The following POLR1A variants were observed in gnomAD, a reference collection of about 807,000 sequenced individuals.
POLR1A encodes the protein RNA polymerase I subunit A.
Under a neutral mutation model 205.3 loss-of-function variants are expected in POLR1A, and 84 were observed. That is an observed-to-expected ratio of 0.41 (90% CI 0.34 to 0.49). POLR1A has a LOEUF of 0.49. Ranked by LOEUF, POLR1A falls within the 20% of genes least tolerant of loss-of-function variation. POLR1A has a pLI of 0.22. For synonymous variants in POLR1A, 799 were observed against 863.7 expected (o/e 0.93, Z 1.31); for missense variants, 1,645 against 2,204.5 (o/e 0.75, Z 5.08).
chr2:86,065,481 G>A lies in POLR1A; in HGVS notation c.1867-16C>T, dbSNP rs777402596. ...GTTGGCCATCCTATAAGCCAAAACA[G>A]ACAACACAAGAAGAATGAAAATAAA... On this transcript the variant is annotated splice_polypyrimidine_tract_variant and intron_variant, in intron 13 of 33. Transcript: ENST00000263857. 6.2e-7 allele frequency: 1 copy of A among 1,603,118 alleles called. No homozygotes were observed. The highest frequency in any genetic ancestry group is 8.5e-7 in the Non-Finnish European group (1 of 1,174,190).
intron 20 of POLR1A, 61 bp from the exon 21 acceptor site, chr2:86,045,421 G>T: frequency 7.2e-7 from 1 of 1,398,180 alleles, no homozygotes; most frequent in Non-Finnish European, 1.0e-6. Context: ...TTCCTGAAGG[G>T]CTCAGGCCAA....
chr2:86,087,606 G>A (rs1388730907), intron 6 of POLR1A, among the ~76,000 whole-genome samples: 2 of 152,192 alleles, frequency 1.3e-5, no homozygotes, highest in African/African-American at 2.4e-5. Context: ...GCGGTGGCAC[G>A]ATCTCAGCTC....
In POLR1A at chr2:86,022,439, A is replaced by G. The variant is rs1690163661; in HGVS notation, c.*4984T>C. 6.6e-6 allele frequency: 1 copy of G among 152,236 alleles called. No homozygotes were observed. Among genetic ancestry groups the G allele is most frequent in the Non-Finnish European group, 1.5e-5 (1 of 68,048 alleles). The allele number at this position is 152,236 out of a possible 1,614,324, so 9.4% of individuals were successfully genotyped here. A position where few individuals can be genotyped will look rare whatever the true frequency, so the allele number is the denominator to read the frequency against. On this transcript the variant is annotated 3_prime_UTR_variant, in exon 34 of 34. Coordinates refer to ENST00000263857, the MANE Select transcript of POLR1A (RefSeq NM_015425.6). ...GACTCCTTGAGATGTCATCGTACCG[A>G]TAGGTGGTGACGGTGGCTGTGCATT...
rs77715446 is a variant in POLR1A at position 86,100,863 on chromosome 2, A to T, written c.78-691T>A. Among the ~76,000 whole-genome samples the T allele has an allele frequency of 4.8e-3, 731 of 152,216 alleles. 9 individuals carry two copies. The highest frequency in any genetic ancestry group is 0.017 in the African/African-American group (708 of 41,538). ...GCCGCATTATTTAGTCCTGATCTTA[A>T]TCCTCTGAAATACTCATCACTACAT... On this transcript the variant is annotated intron_variant, in intron 1 of 33. Coordinates refer to ENST00000263857, the MANE Select transcript of POLR1A (RefSeq NM_015425.6).
rs1690170882 is a variant in POLR1A at position 86,022,710 on chromosome 2, TCTTGAGTAGCTGGGA to T, written c.*4698_*4712del. ...CTCACTTGCTCCTCTCACCTCAGCC[TCTTGAGTAGCTGGGA>T]CCACAGGCACATGTCACAACACCTG... On this transcript the variant is annotated 3_prime_UTR_variant, in exon 34 of 34. Transcript: ENST00000263857. The T allele has an allele frequency of 6.6e-6, 1 of 152,186 alleles. No homozygotes were observed. The highest frequency in any genetic ancestry group is 2.1e-4 in the South Asian group (1 of 4,826). 9.4% of individuals were successfully genotyped at this position (152,186 alleles called of 1,614,324 possible).
Position 86,027,122 on chromosome 2 carries a change from G to A in POLR1A, c.*301C>T. ...ACTTCTCCTTAGGGGTTATGCCACA[G>A]AGGCCTCCTGCAGCACAGGTGAGGC... is the stretch of plus-strand genomic sequence containing the variant. On this transcript the variant is annotated 3_prime_UTR_variant, in exon 34 of 34. Transcript: ENST00000263857. 4.5e-6 allele frequency: 2 copies of A among 447,326 alleles called. No individual in the cohort carries two copies. Among genetic ancestry groups the A allele is most frequent in the Non-Finnish European group, 8.2e-6 (2 of 243,554 alleles). 27.7% of individuals were successfully genotyped at this position (447,326 alleles called of 1,614,324 possible). A position where few individuals can be genotyped will look rare whatever the true frequency, so the allele number is the denominator to read the frequency against.
intron 6 of POLR1A, among the ~76,000 whole-genome samples, chr2:86,083,906 C>G (rs981120831): frequency 6.6e-6 from 1 of 152,144 alleles, no homozygotes; most frequent in African/African-American, 2.4e-5. Context: ...CAGCAATACC[C>G]AGGTTACATG....
In POLR1A at chr2:86,065,282, C is replaced by A; in HGVS notation, c.2050G>T (p.Gly684Ter). Residue 684 changes from glycine to a stop codon, truncating the protein, a stop_gained, in exon 14 of 34, where the codon GGA (glycine) becomes TGA (stop). Transcript: ENST00000263857. LOFTEE classifies it high-confidence loss of function. Reference protein sequence around the residue: ...SILKPFPLWTGKQVVSTLLIN... With the variant: ...SILKPFPLWT ...TGTTCTCTCCCAATTACCTGTTTTC[C>A]TGTCCACAGCGGAAAGGGCTTCAGG... 6.2e-7 allele frequency: 1 copy of A among 1,612,988 alleles called. No individual in the cohort carries two copies. The highest frequency in any genetic ancestry group is 8.5e-7 in the Non-Finnish European group (1 of 1,179,578).
intron 7 of POLR1A, among the ~76,000 whole-genome samples, chr2:86,081,916 T>C (rs1026052745): frequency 5.9e-5 from 9 of 152,200 alleles, no homozygotes; most frequent in African/African-American, 2.2e-4. Flanking sequence ...ACTGCAGCCT[T>C]GATCTCCCAG....
Position 86,042,047 on chromosome 2 carries a change from C to A in POLR1A, c.3414G>T (p.Lys1138Asn). Residue 1138 changes from lysine (K) to asparagine (N), a missense_variant, in exon 24 of 34, where the codon AAG becomes AAT. By Grantham distance (94) the Lys-to-Asn change is moderately conservative. Transcript: ENST00000263857. ...GACTGGGGTCAGGACAAGCGGCCGC[C>A]TTCTTCTGGTATTTCCTTCGGCTTT... The part of the protein sequence containing the change: ...DEESRRKYQK[K>N]AAACPDPSLS... 1 of 1,613,766 alleles carries A rather than the reference C, an allele frequency of 6.2e-7. No homozygotes were observed. The highest frequency in any genetic ancestry group is 1.1e-5 in the South Asian group (1 of 91,050).
In POLR1A at chr2:86,070,047, A is replaced by G. The variant is rs930573740; in HGVS notation, c.1837T>C (p.Cys613Arg). 9 of 1,613,956 alleles carry G rather than the reference A, an allele frequency of 5.6e-6. No homozygotes were observed. The highest frequency in any genetic ancestry group is 7.6e-6 in the Non-Finnish European group (9 of 1,179,926). ...LGRAEAYVLA[C>R]TDQQYLVPKD... ...GGAACAAGGTACTGCTGATCAGTGCAGGCCAGGACGTAGGCCTCGGCCCGG... is the reference window on the plus strand; with the variant it reads ...GGAACAAGGTACTGCTGATCAGTGCGGGCCAGGACGTAGGCCTCGGCCCGG... The change falls in exon 13 of 34, where the codon TGC becomes CGC. Residue 613 changes from cysteine to arginine, a missense_variant. Physicochemically the swap from Cys to Arg is radical, Grantham distance 180. This residue lies in a region of POLR1A where 24 missense variants were observed against 52.1 expected (regional missense o/e 0.46). Transcript: ENST00000263857. The surrounding 1 kb of genome is among the most constrained non-coding windows in gnomAD (Gnocchi z 4.4).
Position 86,101,252 on chromosome 2 carries a change from C to A in POLR1A, c.78-1080G>T, listed in dbSNP as rs976069693. On this transcript the variant is annotated intron_variant, in intron 1 of 33. Transcript: ENST00000263857. Reference sequence around the variant, plus strand: ...CCCAATCTGACAGCCTAGAGGAAATCCGAAGGCTGAAACGAGAGTCCCCTA... The same window carrying A: ...CCCAATCTGACAGCCTAGAGGAAATACGAAGGCTGAAACGAGAGTCCCCTA... 7.9e-5 allele frequency among the ~76,000 whole-genome samples: 12 copies of A among 152,160 alleles called. No homozygotes were observed. The South Asian group carries it at 1.7e-3, about 21-fold the overall frequency.
At chr2:86,064,755 A>AC (rs1172223460) in intron 14 of POLR1A, among the ~76,000 whole-genome samples, 8 of 150,412 alleles carry the variant, frequency 5.3e-5, no homozygotes, top group African/African-American at 2.0e-4. Context: ...TATGCAGTCT[A>AC]CTTTTTTTTT....
At chr2:86,050,000 C>T (rs547028699) in intron 16 of POLR1A, among the ~76,000 whole-genome samples, 11 of 151,470 alleles carry the variant, frequency 7.3e-5, no homozygotes, top group South Asian at 2.1e-4. Context: ...TCACTGCAAC[C>T]GCTGCCTCCC....
At chr2:86,093,964 T>C (rs1673656256) in intron 3 of POLR1A, among the ~76,000 whole-genome samples, 1 of 152,204 alleles carries the variant, frequency 6.6e-6, no homozygotes, top group Non-Finnish European at 1.5e-5. Context: ...TAAAGGCAAG[T>C]TTTATAGAAT....
chr2:86,053,890 T>G (rs777653536), intron 15 of POLR1A, among the ~76,000 whole-genome samples: 1 of 152,234 alleles, frequency 6.6e-6, no homozygotes, highest in Non-Finnish European at 1.5e-5. Flanking sequence ...CTTTGCATAA[T>G]CAATTTCAGC....
chr2:86,080,227 G>A (rs1300997984), intron 9 of POLR1A, among the ~76,000 whole-genome samples: 2 of 152,118 alleles, frequency 1.3e-5, no homozygotes, highest in Admixed American at 1.3e-4. Flanking sequence ...CTTCCTGGGT[G>A]CCCAATTCAC....
At chr2:86,057,601 A>G (rs116093234) in intron 14 of POLR1A, among the ~76,000 whole-genome samples, 291 of 152,370 alleles carry the variant, frequency 1.9e-3, no homozygotes, top group Admixed American at 3.8e-3. Flanking sequence ...TACAGAGGAA[A>G]CAATGGAATG....
intron 14 of POLR1A, among the ~76,000 whole-genome samples, chr2:86,059,168 C>A (rs1348297674): frequency 3.3e-5 from 5 of 152,176 alleles, no homozygotes; most frequent in Admixed American, 6.5e-5. Context: ...TCTACATGTA[C>A]AGACACAGAA....
Sources: allele counts gnomAD v4.1 joint callset (sites outside exome capture counted in the v4.1 genomes callset), GRCh38; gene constraint gnomAD v4.1.1; regional missense constraint gnomAD v4.1.1; non-coding constraint Gnocchi (gnomAD v3.1); transcripts MANE v1.5; gene names NCBI Gene and HGNC (gene_info 2026-07-23, HGNC 2026-07-21).